KANK2: variants seen among roughly 807,000 people sequenced by gnomAD.
KANK2 encodes the protein KN motif and ankyrin repeat domains 2.
KANK2 carries 41 observed loss-of-function variants against 74.6 expected under a neutral mutation model. The ratio of observed to expected loss-of-function variants is 0.55; its 90% CI spans 0.43 to 0.71. The LOEUF (loss-of-function observed/expected upper bound fraction) is 0.71. Among genes scored for constraint, KANK2 ranks in the 30% least tolerant of loss-of-function variants. The probability of loss-of-function intolerance (pLI) is 0.00; values close to 1 mark genes in which losing one functional copy is unlikely to be tolerated. For missense variants in KANK2, 1,148 were observed against 1,196.4 expected (o/e 0.96, Z 0.60); for synonymous variants, 537 against 519.0 (o/e 1.03, Z -0.47).
intron 6 of KANK2, among the ~76,000 whole-genome samples, chr19:11,177,378 G>T (rs1276153645): frequency 6.6e-6 from 1 of 151,234 alleles, no homozygotes; most frequent in African/African-American, 2.4e-5. Context: ...TTTTTGAGAC[G>T]GAGTCTCGCT....
In KANK2 at chr19:11,166,450, GC is replaced by G; in HGVS notation, c.*107del. 9.7e-7 allele frequency: 1 copy of G among 1,030,490 alleles called. No homozygotes were observed. The highest frequency in any genetic ancestry group is 1.5e-6 in the Non-Finnish European group (1 of 660,494). 63.8% of individuals were successfully genotyped at this position (1,030,490 alleles called of 1,614,324 possible). A position where few individuals can be genotyped will look rare whatever the true frequency, so the allele number is the denominator to read the frequency against. ...GAGCTCGCTTGCCTTTGAGCCGTGG[GC>G]CTTGGGGAGTGTGAGTGGGGTGGGC... On this transcript the variant is annotated 3_prime_UTR_variant, in exon 13 of 13. Coordinates refer to ENST00000586659, the MANE Select transcript of KANK2 (RefSeq NM_001136191.3).
intron 12 of KANK2, among the ~76,000 whole-genome samples, chr19:11,168,322 C>A (rs1410273929): frequency 6.6e-6 from 1 of 150,438 alleles, no homozygotes; most frequent in African/African-American, 2.4e-5. Flanking sequence ...TTTTTTTTTC[C>A]CAGACAAGGC....
chr19:11,194,660 C>G, intron 2 of KANK2, 70 bp from the exon 3 acceptor site: 1 of 627,326 alleles, frequency 1.6e-6, no homozygotes, highest in Non-Finnish European at 2.9e-6. Context: ...GAGGCCAGCC[C>G]CCTCCACAGC....
rs2078009985 is a variant in KANK2, at chr19:11,165,702, C to T, written c.*856G>A. 6.6e-6 allele frequency: 1 copy of T among 152,362 alleles called. No homozygotes were observed. Among genetic ancestry groups the T allele is most frequent in the Non-Finnish European group, 1.5e-5 (1 of 68,288 alleles). The allele number at this position is 152,362 out of a possible 1,614,324, so 9.4% of individuals were successfully genotyped here. A position where few individuals can be genotyped will look rare whatever the true frequency, so the allele number is the denominator to read the frequency against. ...CCAAGTAGCTGGGACTACAGGCGCG[C>T]ACCACCACGCCTGGCTAGTTTTTAA... On this transcript the variant is annotated 3_prime_UTR_variant, in exon 13 of 13. Coordinates refer to ENST00000586659, the MANE Select transcript of KANK2 (RefSeq NM_001136191.3).
Position 11,166,521 on chromosome 19 carries a change from T to G in KANK2, c.*37A>C. 6.3e-7 allele frequency: 1 copy of G among 1,597,568 alleles called. No individual in the cohort carries two copies. The highest frequency in any genetic ancestry group is 1.7e-5 in the Admixed American group (1 of 59,966). On this transcript the variant is annotated 3_prime_UTR_variant, in exon 13 of 13. Coordinates refer to ENST00000586659, the MANE Select transcript of KANK2 (RefSeq NM_001136191.3). ...GGAGGAGACGGGGACAAGGGACGGT[T>G]TGCTCCCGGTCTGGCTGGTCCCCGC... is the stretch of plus-strand genomic sequence containing the variant.
At position 11,170,807 on chromosome 19, in the gene KANK2, T is replaced by G. The variant is rs182473521; in HGVS notation, c.2212-559A>C. Among the ~76,000 whole-genome samples the G allele has an allele frequency of 4.7e-4, 71 of 152,196 alleles. No individual in the cohort carries two copies. The highest frequency in any genetic ancestry group is 1.5e-3 in the African/African-American group (64 of 41,546). On this transcript the variant is annotated intron_variant, in intron 10 of 12. Transcript: ENST00000586659. The surrounding 1 kb of genome is among the most constrained non-coding windows in gnomAD (Gnocchi z 5.2). ...GGTTTTGCCATGTTGCCCAGGCTAA[T>G]TGTTCCTTTAAAAGGGTTAATTATT...
At chr19:11,183,795 T>C (rs2078598263) in intron 4 of KANK2, among the ~76,000 whole-genome samples, 1 of 151,922 alleles carries the variant, frequency 6.6e-6, no homozygotes, top group Non-Finnish European at 1.5e-5. Flanking sequence ...GGATTACAAG[T>C]GCCCGCTACC....
chr19:11,192,298 T>G (rs1182016736), intron 4 of KANK2: 2 of 157,940 alleles, frequency 1.3e-5, no homozygotes, highest in African/African-American at 2.4e-5. Context: ...ACCTAATTTC[T>G]CTGCATGGTT....
rs774028183 is a variant in KANK2, at chr19:11,174,681, G to A, written c.1860C>T (p.Tyr620=). Residue 620 remains tyrosine (Y), a synonymous_variant, in exon 9 of 13, where the codon TAC becomes TAT. Transcript: ENST00000586659. Reference sequence around the variant, plus strand: ...GCAGCCACTCCTGCAGCACTGTGGTGTAGGCCACTTTCTGCATGCGAGTCA... The same window carrying A: ...GCAGCCACTCCTGCAGCACTGTGGTATAGGCCACTTTCTGCATGCGAGTCA... ...ALTERELKVA[Y]TTVLQEWLRL... 4 of 1,602,726 alleles carry A rather than the reference G, an allele frequency of 2.5e-6. No homozygotes were observed. The highest frequency in any genetic ancestry group is 2.0e-4 in the Middle Eastern group (1 of 5,090).
intron 4 of KANK2, among the ~76,000 whole-genome samples, chr19:11,182,385 G>C (rs371982667): frequency 2.0e-5 from 3 of 152,000 alleles, no homozygotes; most frequent in Admixed American, 6.6e-5. Context: ...AGGTGTGGTG[G>C]AGTGCGCCTA....
intron 2 of KANK2, 122 bp from the exon 3 acceptor site, chr19:11,194,712 T>G: frequency 3.9e-6 from 2 of 517,812 alleles, no homozygotes; most frequent in East Asian, 3.4e-5. Context: ...GACCCACTCA[T>G]AGACGCACAC....
At chr19:11,189,493 AC>A (rs1411138202) in intron 4 of KANK2, among the ~76,000 whole-genome samples, 1 of 150,080 alleles carries the variant, frequency 6.7e-6, no homozygotes, top group South Asian at 2.1e-4. Flanking sequence ...AATCCCAGCT[AC>A]TCGGGAGGCG....
rs140675555 is a variant in KANK2, at chr19:11,176,602, C to T, written c.1736G>A (p.Gly579Glu). ...CCTGATCTCCTCCTCCGTGTTTGAT[C>T]CTGATGCCCCCTCAGCAGTGGGTAT... ...QHIPTAEGASGSNTEEEIRME... is the reference protein window; with the variant it reads ...QHIPTAEGASESNTEEEIRME... The change falls in exon 7 of 13, where the codon GGA becomes GAA. Residue 579 changes from glycine (G) to glutamate (E), a missense_variant. Physicochemically the swap from Gly to Glu is moderately conservative, Grantham distance 98. Coordinates refer to ENST00000586659, the MANE Select transcript of KANK2 (RefSeq NM_001136191.3). 11 of 1,600,046 alleles carry T rather than the reference C, an allele frequency of 6.9e-6. No individual in the cohort carries two copies. The African/African-American group carries it at 1.3e-4, about 19-fold the overall frequency.
intron 4 of KANK2, among the ~76,000 whole-genome samples, chr19:11,182,608 C>T (rs540704829): frequency 1.3e-5 from 2 of 151,090 alleles, no homozygotes; most frequent in Non-Finnish European, 2.9e-5. Flanking sequence ...CTTTGGGAGG[C>T]CAAGGCAGGC....
At position 11,174,602 on chromosome 19, in the gene KANK2, T is replaced by C. The variant is rs773405664; in HGVS notation, c.1939A>G (p.Thr647Ala). Residue 647 changes from threonine (T) to alanine (A), a missense_variant, in exon 9 of 13, where the codon ACG becomes GCG. By Grantham distance (58) the Thr-to-Ala change is moderately conservative (BLOSUM62 0). Transcript: ENST00000586659. Reference protein sequence around the residue: ...HPELVRRHLVTFRAMSARLLD... With the variant: ...HPELVRRHLVAFRAMSARLLD... ...AGCCGCGCAGACATGGCCCGGAACG[T>C]GACCAGGTGCCGCCGCACCAGCTCG... 1 of 1,612,940 alleles carries C rather than the reference T, an allele frequency of 6.2e-7. No individual in the cohort carries two copies. Among genetic ancestry groups the C allele is most frequent in the East Asian group, 2.2e-5 (1 of 44,868 alleles).
chr19:11,180,904 T>A (rs531267019), intron 4 of KANK2, among the ~76,000 whole-genome samples: 3 of 151,762 alleles, frequency 2.0e-5, no homozygotes, highest in African/African-American at 7.2e-5. Context: ...CTGGCCAACA[T>A]GGCAAAACCC....
Position 11,193,185 on chromosome 19 carries a change from C to A in KANK2, c.895G>T (p.Ala299Ser), listed in dbSNP as rs769498424. Residue 299 changes from alanine (A) to serine (S), a missense_variant, in exon 4 of 13, where the codon GCG (alanine) becomes TCG (serine). Physicochemically the swap from Ala to Ser is moderately conservative, Grantham distance 99. Transcript: ENST00000586659. This position sits in a 1 kb window ranked among gnomAD's most constrained non-coding sequence, Gnocchi z 9.6. ...VAVLETQLKK[A>S]LQELQAAQAR... ...TGAGCTGCCTGCAGCTCCTGCAGCG[C>A]CTTCTTGAGCTGGGTCTCCAGCACA... The A allele has an allele frequency of 1.2e-6, 2 of 1,610,328 alleles. No homozygotes were observed. The highest frequency in any genetic ancestry group is 2.2e-5 in the South Asian group (2 of 91,060).
rs534170335 is a variant in KANK2 at position 11,176,592 on chromosome 19, C to T, written c.1746G>A (p.Thr582=). Residue 582 remains threonine, a synonymous_variant, in exon 7 of 13, where the codon ACG becomes ACA. Coordinates refer to ENST00000586659, the MANE Select transcript of KANK2 (RefSeq NM_001136191.3). ...PTAEGASGSN[T]EEEIRMELSP... ...AGAAAACTGACCTGATCTCCTCCTC[C>T]GTGTTTGATCCTGATGCCCCCTCAG... 4.5e-5 allele frequency: 72 copies of T among 1,590,336 alleles called. No individual in the cohort carries two copies. Among genetic ancestry groups the T allele is most frequent in the Admixed American group, 8.7e-5 (5 of 57,144 alleles).
chr19:11,195,063 A>C (rs2078978048), intron 2 of KANK2: 1 of 154,932 alleles, frequency 6.5e-6, no homozygotes, highest in Admixed American at 6.3e-5. Flanking sequence ...AAGCATGGCG[A>C]AGGGGACCCC....
Sources: allele counts gnomAD v4.1 joint callset (sites outside exome capture counted in the v4.1 genomes callset), GRCh38; gene constraint gnomAD v4.1.1; non-coding constraint Gnocchi (gnomAD v3.1); transcripts MANE v1.5; gene names NCBI Gene and HGNC (gene_info 2026-07-23, HGNC 2026-07-21).